Variants in DNAH11 observed in about 807,000 individuals in gnomAD.
DNAH11 encodes the protein axonemal beta dynein heavy chain 11.
In DNAH11, 442 loss-of-function variants were observed where a neutral mutation model predicts 526.0. The ratio of observed to expected loss-of-function variants is 0.84; its 90% CI spans 0.78 to 0.91. The LOEUF (loss-of-function observed/expected upper bound fraction) is 0.91. Ranked by LOEUF, DNAH11 falls within the 40% of genes least tolerant of loss-of-function variation. The pLI, the probability that DNAH11 is intolerant of heterozygous loss-of-function variation, is 0.00. For synonymous variants in DNAH11, 2,461 were observed against 1,935.9 expected (o/e 1.27, Z -7.12); for missense variants, 6,989 against 5,448.7 (o/e 1.28, Z -8.90).
chr7:21,682,525 CA>C (rs60337481), intron 31 of DNAH11, among the ~76,000 whole-genome samples: 4,292 of 95,854 alleles, frequency 0.045, 44 homozygotes, highest in East Asian at 0.14. Flanking sequence ...GACTCCATCT[CA>C]AAAAAAAAAA....
chr7:21,550,449 T>G (rs1782978123), intron 2 of DNAH11, among the ~76,000 whole-genome samples: 1 of 152,224 alleles, frequency 6.6e-6, no homozygotes, highest in Non-Finnish European at 1.5e-5. Context: ...GATGTCTAGC[T>G]GTGCCCAAAT....
At chr7:21,757,161 GATC>G (rs1786673848) in intron 54 of DNAH11, among the ~76,000 whole-genome samples, 1 of 152,170 alleles carries the variant, frequency 6.6e-6, no homozygotes, top group African/African-American at 2.4e-5. Context: ...TGCGTAGACA[GATC>G]ATCTTTTGAT....
At position 21,742,152 on chromosome 7, in the gene DNAH11, T is replaced by C; in HGVS notation, c.8140T>C (p.Ser2714Pro). ...FHYIFNLRDL[S>P]NVFQGILFAS... ...CTACATCTTTAATCTGAGAGATTTA[T>C]CAAACGTCTTCCAGGTACCTTGACT... The change falls in exon 49 of 82, where the codon TCA becomes CCA. Residue 2714 changes from serine to proline, a missense_variant. Ser to Pro is a moderately conservative substitution (Grantham distance 74). Coordinates refer to ENST00000409508, the MANE Select transcript of DNAH11 (RefSeq NM_001277115.2). 1 of 1,613,822 alleles carries C rather than the reference T, an allele frequency of 6.2e-7. No homozygotes were observed. The highest frequency in any genetic ancestry group is 8.5e-7 in the Non-Finnish European group (1 of 1,179,820).
At chr7:21,832,014 C>T (rs1353133337) in intron 65 of DNAH11, among the ~76,000 whole-genome samples, 4 of 151,758 alleles carry the variant, frequency 2.6e-5, no homozygotes, top group East Asian at 1.9e-4. Flanking sequence ...TGTTTGAACC[C>T]GGGAGGCAGA....
chr7:21,739,523 T>C, intron 47 of DNAH11, 48 bp from the exon 48 acceptor site: 4 of 1,504,816 alleles, frequency 2.7e-6, no homozygotes, highest in South Asian at 1.2e-5. Context: ...TTTTGCTCTT[T>C]TGTCATCTCC....
intron 20 of DNAH11, among the ~76,000 whole-genome samples, chr7:21,612,217 G>C (rs956763869): frequency 6.6e-6 from 1 of 151,938 alleles, no homozygotes; most frequent in Non-Finnish European, 1.5e-5. Flanking sequence ...AAAATAAAAA[G>C]AAAAATATTA....
intron 20 of DNAH11, among the ~76,000 whole-genome samples, chr7:21,614,248 TAGAA>T (rs1400502508): frequency 2.6e-5 from 4 of 152,006 alleles, no homozygotes. Context: ...TGGGAGAAAA[TAGAA>T]AGTGGAAAAA....
intron 46 of DNAH11, among the ~76,000 whole-genome samples, chr7:21,737,202 A>G (rs1276331972): frequency 6.6e-6 from 1 of 152,184 alleles, no homozygotes; most frequent in East Asian, 1.9e-4. Context: ...TGGAAGAGAG[A>G]GAATTGTGGG....
intron 74 of DNAH11, among the ~76,000 whole-genome samples, chr7:21,874,587 T>C (rs1192956206): frequency 6.6e-6 from 1 of 152,086 alleles, no homozygotes; most frequent in Non-Finnish European, 1.5e-5. Flanking sequence ...CTGTTCACCT[T>C]GGCCTCCCAA....
chr7:21,679,477 T>C (rs988147327), intron 30 of DNAH11, among the ~76,000 whole-genome samples: 4 of 152,338 alleles, frequency 2.6e-5, no homozygotes, highest in Admixed American at 6.5e-5. Context: ...CATCAAAATA[T>C]CACGTTGTAT....
At chr7:21,686,752 G>GT (rs1645420440) in intron 32 of DNAH11, among the ~76,000 whole-genome samples, 1 of 151,952 alleles carries the variant, frequency 6.6e-6, no homozygotes, top group African/African-American at 2.4e-5. Context: ...ATAAACAATA[G>GT]TTTGGATGTT....
rs1360425015 is a variant in DNAH11, at chr7:21,559,693, T to C, written c.783T>C (p.Asp261=). ...SHQIQEIIER[D]SVQRLLNGLH... ...AAATCCAAGAAATTATAGAAAGAGATTCAGTGCAGCGTTTGTTGAATGGTC... is the reference window on the plus strand; with the variant it reads ...AAATCCAAGAAATTATAGAAAGAGACTCAGTGCAGCGTTTGTTGAATGGTC... The change falls in exon 4 of 82, where the codon GAT becomes GAC. Residue 261 remains aspartate (D), a synonymous_variant. Coordinates refer to ENST00000409508, the MANE Select transcript of DNAH11 (RefSeq NM_001277115.2). 1 of 1,611,330 alleles carries C rather than the reference T, an allele frequency of 6.2e-7. No homozygotes were observed. The highest frequency in any genetic ancestry group is 2.2e-5 in the East Asian group (1 of 44,776).
intron 61 of DNAH11, among the ~76,000 whole-genome samples, chr7:21,796,310 C>G (rs932492465): frequency 3.3e-5 from 5 of 152,140 alleles, no homozygotes; most frequent in African/African-American, 1.2e-4. Context: ...AGAACTGCCA[C>G]TGTCAGACAG....
At chr7:21,682,962 A>G (rs980607664) in intron 31 of DNAH11, among the ~76,000 whole-genome samples, 5 of 152,094 alleles carry the variant, frequency 3.3e-5, no homozygotes, top group African/African-American at 1.2e-4. Context: ...TTGATAATGA[A>G]CTGTTTATAT....
intron 66 of DNAH11, among the ~76,000 whole-genome samples, chr7:21,842,950 T>C (rs1782272677): frequency 6.6e-6 from 1 of 152,162 alleles, no homozygotes; most frequent in Non-Finnish European, 1.5e-5. Flanking sequence ...ATGCCACACG[T>C]AGGAGATAGG....
intron 2 of DNAH11, among the ~76,000 whole-genome samples, chr7:21,549,120 A>G (rs1291324265): frequency 1.3e-5 from 2 of 152,048 alleles, no homozygotes; most frequent in African/African-American, 4.8e-5. Context: ...CTCAGGTGAT[A>G]CACTCACCTT....
At chr7:21,697,578 C>T (rs2128476957) in intron 35 of DNAH11, among the ~76,000 whole-genome samples, 1 of 152,198 alleles carries the variant, frequency 6.6e-6, no homozygotes, top group East Asian at 1.9e-4. Context: ...TTATTTCTGT[C>T]TATTGTGTCT....
chr7:21,619,946 T>G lies in DNAH11; in HGVS notation c.4378-10T>G, dbSNP rs1379880643. The G allele has an allele frequency of 6.5e-7, 1 of 1,533,580 alleles. No homozygotes were observed. Among genetic ancestry groups the G allele is most frequent in the African/African-American group, 1.4e-5 (1 of 68,990 alleles). 95.0% of individuals were successfully genotyped at this position (1,533,580 alleles called of 1,614,324 possible). On this transcript the variant is annotated splice_polypyrimidine_tract_variant and intron_variant, in intron 24 of 81. Coordinates refer to ENST00000409508, the MANE Select transcript of DNAH11 (RefSeq NM_001277115.2). Reference sequence around the variant, plus strand: ...ATTTTGTGCACATTAATTATATTGTTGATTACTAGGTTATTACTGAAATCA... The same window carrying G: ...ATTTTGTGCACATTAATTATATTGTGGATTACTAGGTTATTACTGAAATCA...
chr7:21,784,605 A>G, intron 58 of DNAH11, 65 bp downstream of exon 58: 1 of 1,192,894 alleles, frequency 8.4e-7, no homozygotes, highest in Non-Finnish European at 1.2e-6. Context: ...TAGAGTTTGA[A>G]TAACTGAGCT....
Sources: allele counts gnomAD v4.1 joint callset (sites outside exome capture counted in the v4.1 genomes callset), GRCh38; gene constraint gnomAD v4.1.1; transcripts MANE v1.5; gene names NCBI Gene and HGNC (gene_info 2026-07-23, HGNC 2026-07-21).